Variants in POLR3H observed in about 807,000 individuals in gnomAD.
POLR3H encodes RNA polymerase III subunit H, also known as DNA-directed RNA polymerase III subunit RPC8.
In POLR3H, 17 loss-of-function variants were observed where a neutral mutation model predicts 25.5. The observed-to-expected ratio is 0.67, with a 90% CI of 0.46 to 1.00. POLR3H has a LOEUF of 1.00. Ranked by LOEUF, POLR3H falls within the 50% of genes least tolerant of loss-of-function variation. The probability of loss-of-function intolerance (pLI) is 0.00; values close to 1 mark genes in which losing one functional copy is unlikely to be tolerated. For missense variants in POLR3H, 274 were observed against 265.0 expected (o/e 1.03, Z -0.24); for synonymous variants, 129 against 103.0 (o/e 1.25, Z -1.53).
At chr22:41,543,741 C>G in intron 1 of POLR3H, 1 of 654,106 alleles carries the variant, frequency 1.5e-6, no homozygotes, top group Non-Finnish European at 2.9e-6. Context: ...CAGAAGGGGT[C>G]AGTAACTTGC....
At chr22:41,530,378 G>A (rs563807808) in intron 5 of POLR3H, among the ~76,000 whole-genome samples, 1 of 152,288 alleles carries the variant, frequency 6.6e-6, no homozygotes, top group East Asian at 1.9e-4. Flanking sequence ...AAAGTGCTGG[G>A]ATTATAGATG....
At position 41,528,036 on chromosome 22, in the gene POLR3H, G is replaced by T; in HGVS notation, c.*1247C>A. 1.2e-6 allele frequency: 2 copies of T among 1,614,026 alleles called. No individual in the cohort carries two copies. Among genetic ancestry groups the T allele is most frequent in the Non-Finnish European group, 1.7e-6 (2 of 1,179,994 alleles). On this transcript the variant is annotated 3_prime_UTR_variant, in exon 6 of 6. Transcript: ENST00000355209. The stretch of plus-strand genomic sequence containing the variant: ...ACCCCTGGCAAGGTTAGGGGCCCGG[G>T]TCCCCCTGAGGTGGTGGGGTGAGGG...
Position 41,528,152 on chromosome 22 carries a change from G to A in POLR3H, c.*1131C>T. On this transcript the variant is annotated 3_prime_UTR_variant, in exon 6 of 6. Coordinates refer to ENST00000355209, the MANE Select transcript of POLR3H (RefSeq NM_001018050.4). ...GCTGGAAAGGCCCCCAGTTCTCCAGGTGGCCCCACAGAGAAAGCAAAGTGG... is the reference window on the plus strand; with the variant it reads ...GCTGGAAAGGCCCCCAGTTCTCCAGATGGCCCCACAGAGAAAGCAAAGTGG... 1 of 1,415,182 alleles carries A rather than the reference G, an allele frequency of 7.1e-7. No homozygotes were observed. Among genetic ancestry groups the A allele is most frequent in the Non-Finnish European group, 9.6e-7 (1 of 1,046,008 alleles). 87.7% of individuals were successfully genotyped at this position (1,415,182 alleles called of 1,614,324 possible).
At chr22:41,532,049 G>T in intron 4 of POLR3H, 45 bp downstream of exon 4, 2 of 1,577,530 alleles carry the variant, frequency 1.3e-6, no homozygotes, top group Non-Finnish European at 1.7e-6. Flanking sequence ...CCTTTGGAGA[G>T]GCCTGAGCTC....
At position 41,529,271 on chromosome 22, in the gene POLR3H, C is replaced by T; in HGVS notation, c.*12G>A. 2 of 1,612,176 alleles carry T rather than the reference C, an allele frequency of 1.2e-6. No homozygotes were observed. Among genetic ancestry groups the T allele is most frequent in the Non-Finnish European group, 1.7e-6 (2 of 1,179,142 alleles). ...CCCGCAGGCTGGTAGGGTCCACTGT[C>T]CAGCCCCAGGGCTAGTTGCTGGTCC... On this transcript the variant is annotated 3_prime_UTR_variant, in exon 6 of 6. Coordinates refer to ENST00000355209, the MANE Select transcript of POLR3H (RefSeq NM_001018050.4).
intron 2 of POLR3H, among the ~76,000 whole-genome samples, chr22:41,536,174 C>T (rs1243596293): frequency 3.3e-5 from 5 of 150,686 alleles, no homozygotes; most frequent in African/African-American, 7.3e-5. Context: ...GGGCGGATCA[C>T]GAGGTCAGGA....
rs1253959945 is a variant in POLR3H, at chr22:41,528,712, G to A, written c.*571C>T. ...CAGCCATGGCTTCCTATTCCAAGAT[G>A]GTGTGACCAGACATGCTTCCTGCTC... On this transcript the variant is annotated 3_prime_UTR_variant, in exon 6 of 6. Coordinates refer to ENST00000355209, the MANE Select transcript of POLR3H (RefSeq NM_001018050.4). 6.7e-7 allele frequency: 1 copy of A among 1,489,270 alleles called. No homozygotes were observed. Among genetic ancestry groups the A allele is most frequent in the Non-Finnish European group, 9.0e-7 (1 of 1,112,600 alleles). 92.3% of individuals were successfully genotyped at this position (1,489,270 alleles called of 1,614,324 possible).
At chr22:41,539,089 C>CGT (rs2066892507) in intron 2 of POLR3H, 2 of 152,144 alleles carry the variant, frequency 1.3e-5, no homozygotes, top group East Asian at 3.9e-4. Context: ...GGTGAAACCC[C>CGT]CTCTACTAAA....
At chr22:41,534,877 A>C (rs868334557) in intron 2 of POLR3H, among the ~76,000 whole-genome samples, 2 of 144,696 alleles carry the variant, frequency 1.4e-5, no homozygotes, top group Non-Finnish European at 3.0e-5. Flanking sequence ...CTGGGCAACA[A>C]GAGTGAAACT....
At chr22:41,540,637 C>T in intron 2 of POLR3H, 62 bp downstream of exon 2, 2 of 1,312,068 alleles carry the variant, frequency 1.5e-6, no homozygotes, top group Non-Finnish European at 1.1e-6. Context: ...TTTGGCTTGA[C>T]CTTTGGCTAC....
intron 1 of POLR3H, 62 bp downstream of exon 1, chr22:41,543,929 G>T: frequency 1.6e-6 from 2 of 1,222,384 alleles, no homozygotes; most frequent in South Asian, 1.2e-5. Context: ...CCGGGCCTGC[G>T]GCCAGTGGGC....
In POLR3H at chr22:41,528,119, T is replaced by C; in HGVS notation, c.*1164A>G. The C allele has an allele frequency of 1.3e-6, 2 of 1,545,464 alleles. No individual in the cohort carries two copies. The highest frequency in any genetic ancestry group is 1.8e-6 in the Non-Finnish European group (2 of 1,142,168). On this transcript the variant is annotated 3_prime_UTR_variant, in exon 6 of 6. Coordinates refer to ENST00000355209, the MANE Select transcript of POLR3H (RefSeq NM_001018050.4). Reference sequence around the variant, plus strand: ...CCAGGGTAGCTTCTCCCAGGAGGCTTCATTCCAGCTGGAAAGGCCCCCAGT... The same window carrying C: ...CCAGGGTAGCTTCTCCCAGGAGGCTCCATTCCAGCTGGAAAGGCCCCCAGT...
At chr22:41,534,730 A>T (rs919686036) in intron 2 of POLR3H, among the ~76,000 whole-genome samples, 1 of 151,830 alleles carries the variant, frequency 6.6e-6, no homozygotes, top group African/African-American at 2.4e-5. Flanking sequence ...CGTCTCTACT[A>T]AAAAAATACA....
At position 41,529,609 on chromosome 22, in the gene POLR3H, T is replaced by G; in HGVS notation, c.562-273A>C. 3 of 702,966 alleles carry G rather than the reference T, an allele frequency of 4.3e-6. No individual in the cohort carries two copies. The East Asian group carries it at 8.2e-5, about 19-fold the overall frequency. 43.5% of individuals were successfully genotyped at this position (702,966 alleles called of 1,614,324 possible). ...GCCTGCCCTCCAGGGCCACCTAGGT[T>G]CTAATCGTGGCAGGAAGGCTGAGCA... On this transcript the variant is annotated intron_variant, in intron 5 of 5. Coordinates refer to ENST00000355209, the MANE Select transcript of POLR3H (RefSeq NM_001018050.4).
intron 2 of POLR3H, among the ~76,000 whole-genome samples, chr22:41,536,301 A>G (rs540505267): frequency 5.4e-4 from 81 of 150,848 alleles, no homozygotes; most frequent in African/African-American, 1.8e-3. Context: ...AGGCTGAGGC[A>G]GGAGAATGGC....
rs2066666707 is a variant in POLR3H, at chr22:41,529,054, T to C, written c.*229A>G. ...CCAGGAAGGGTCTTTTCAGTCAAGG[T>C]CAGTGGAGGCCCAACAGCCACAGCC... is the stretch of plus-strand genomic sequence containing the variant. On this transcript the variant is annotated 3_prime_UTR_variant, in exon 6 of 6. Coordinates refer to ENST00000355209, the MANE Select transcript of POLR3H (RefSeq NM_001018050.4). 6 of 573,392 alleles carry C rather than the reference T, an allele frequency of 1.0e-5. No individual in the cohort carries two copies. The highest frequency in any genetic ancestry group is 1.9e-5 in the Non-Finnish European group (6 of 323,036). 35.5% of individuals were successfully genotyped at this position (573,392 alleles called of 1,614,324 possible).
chr22:41,534,805 A>C (rs2066812789), intron 2 of POLR3H, among the ~76,000 whole-genome samples: 1 of 151,862 alleles, frequency 6.6e-6, no homozygotes, highest in Non-Finnish European at 1.5e-5. Flanking sequence ...GAGGCATGAG[A>C]ATTGCTTGAA....
chr22:41,541,286 C>G (rs1247618432), intron 1 of POLR3H, among the ~76,000 whole-genome samples: 1 of 152,190 alleles, frequency 6.6e-6, no homozygotes, highest in African/African-American at 2.4e-5. Flanking sequence ...TGCCAGAGCT[C>G]ACAGTTTAGT....
intron 2 of POLR3H, among the ~76,000 whole-genome samples, chr22:41,536,144 G>A (rs1022959657): frequency 1.3e-5 from 2 of 150,718 alleles, no homozygotes; most frequent in Non-Finnish European, 3.0e-5. Flanking sequence ...TGTAATCCCA[G>A]CACTTTGGGA....
Sources: allele counts gnomAD v4.1 joint callset (sites outside exome capture counted in the v4.1 genomes callset), GRCh38; gene constraint gnomAD v4.1.1; transcripts MANE v1.5; gene names NCBI Gene and HGNC (gene_info 2026-07-23, HGNC 2026-07-21).